PLCE1: variants seen among roughly 807,000 people sequenced by gnomAD.
PLCE1 encodes 1-phosphatidylinositol 4,5-bisphosphate phosphodiesterase epsilon-1.
In PLCE1, 119 loss-of-function variants were observed where a neutral mutation model predicts 242.8. That is an observed-to-expected ratio of 0.49 (90% CI 0.42 to 0.57). The LOEUF (loss-of-function observed/expected upper bound fraction) is 0.57, where lower values mean the gene tolerates loss of function less well. Among genes scored for constraint, PLCE1 ranks in the 20% least tolerant of loss-of-function variants. PLCE1 has a pLI of 0.00. For missense variants in PLCE1, 2,441 were observed against 2,788.8 expected, an observed-to-expected ratio of 0.88 and a Z score of 2.81; for synonymous variants, 945 against 1,017.4, an observed-to-expected ratio of 0.93 and a Z score of 1.35.
At chr10:94,200,808 T>C (rs1306963150) in intron 4 of PLCE1, among the ~76,000 whole-genome samples, 1 of 152,194 alleles carries the variant, frequency 6.6e-6, no homozygotes, top group East Asian at 1.9e-4. Flanking sequence ...GTGATGGGAA[T>C]TGCATTTGAC....
chr10:94,192,573 A>G (rs1012664009), intron 4 of PLCE1, among the ~76,000 whole-genome samples: 3 of 152,130 alleles, frequency 2.0e-5, no homozygotes, highest in Admixed American at 6.6e-5. Flanking sequence ...CGTATATCCA[A>G]TCCACCATTG....
intron 5 of PLCE1, among the ~76,000 whole-genome samples, chr10:94,231,701 G>A (rs9663515): frequency 0.62 from 94,008 of 151,736 alleles, 29,273 homozygotes; most frequent in East Asian, 0.89. Context: ...TGGGGGTGGG[G>A]GCAGATGGTT....
chr10:94,109,478 C>T (rs572242768), intron 2 of PLCE1, among the ~76,000 whole-genome samples: 2 of 152,100 alleles, frequency 1.3e-5, no homozygotes, highest in African/African-American at 2.4e-5. Flanking sequence ...CATGGTGGCA[C>T]GTTCCTATAG....
At chr10:94,130,892 G>C (rs56370424) in intron 2 of PLCE1, among the ~76,000 whole-genome samples, 274 of 152,300 alleles carry the variant, frequency 1.8e-3, no homozygotes, top group Middle Eastern at 3.4e-3. Context: ...CTGGCCCGCA[G>C]GGCAGTGAGA....
chr10:94,191,642 GA>G (rs199850622), intron 4 of PLCE1, among the ~76,000 whole-genome samples: 26 of 149,664 alleles, frequency 1.7e-4, no homozygotes, highest in African/African-American at 6.1e-4. Context: ...CCCTTTCTCA[GA>G]AAAAAAAAGT....
At chr10:94,210,693 C>A (rs1183542634) in intron 4 of PLCE1, among the ~76,000 whole-genome samples, 1 of 152,196 alleles carries the variant, frequency 6.6e-6, no homozygotes, top group Non-Finnish European at 1.5e-5. Context: ...AGCTGGTGAG[C>A]AGCTGCTCCC....
chr10:94,136,229 G>A (rs570473617), intron 3 of PLCE1, among the ~76,000 whole-genome samples: 1 of 152,290 alleles, frequency 6.6e-6, no homozygotes, highest in Non-Finnish European at 1.5e-5. Flanking sequence ...TACCGGGGAT[G>A]AGGAAGGGCA....
intron 2 of PLCE1, among the ~76,000 whole-genome samples, chr10:94,115,683 A>G (rs1008582932): frequency 4.6e-5 from 7 of 152,074 alleles, no homozygotes; most frequent in African/African-American, 1.7e-4. Context: ...AGATGAGTAG[A>G]TTGTAAAAAT....
chr10:94,008,643 G>A (rs1247257527), intron 1 of PLCE1, among the ~76,000 whole-genome samples: 1 of 152,138 alleles, frequency 6.6e-6, no homozygotes, highest in Admixed American at 6.5e-5. Flanking sequence ...TTCCACTATT[G>A]ATAGAATATG....
At chr10:94,101,574 A>C (rs1249585003) in intron 2 of PLCE1, among the ~76,000 whole-genome samples, 1 of 152,196 alleles carries the variant, frequency 6.6e-6, no homozygotes, top group East Asian at 1.9e-4. Flanking sequence ...CTGAGAAGCA[A>C]GTGGGCATTT....
At chr10:94,079,868 C>G (rs905181014) in intron 2 of PLCE1, among the ~76,000 whole-genome samples, 1 of 152,208 alleles carries the variant, frequency 6.6e-6, no homozygotes, top group African/African-American at 2.4e-5. Flanking sequence ...ATGCAAGGAA[C>G]TTTCCTATTC....
chr10:94,135,757 A>G (rs1308867770), intron 3 of PLCE1, among the ~76,000 whole-genome samples: 1 of 152,226 alleles, frequency 6.6e-6, no homozygotes, highest in Non-Finnish European at 1.5e-5. Context: ...GAGTTAGAAG[A>G]CATTTCTTGT....
chr10:94,273,437 C>G (rs185285041), intron 18 of PLCE1, 125 bp from the exon 19 acceptor site: 1 of 955,074 alleles, frequency 1.0e-6, no homozygotes, highest in Admixed American at 2.1e-5. Flanking sequence ...TTCCTAGTTC[C>G]TCTTCCTAAG....
At chr10:94,097,964 A>G (rs190764171) in intron 2 of PLCE1, among the ~76,000 whole-genome samples, 13 of 152,206 alleles carry the variant, frequency 8.5e-5, no homozygotes, top group Admixed American at 7.2e-4. Context: ...GGCGACAGAG[A>G]TGAGATTATG....
At chr10:94,062,605 T>G (rs2044089378) in intron 2 of PLCE1, among the ~76,000 whole-genome samples, 2 of 110,092 alleles carry the variant, frequency 1.8e-5, no homozygotes, top group Non-Finnish European at 3.3e-5. Context: ...TTTTGTTTTG[T>G]TTTTTTTTTT....
chr10:94,187,146 ATGTGTGTGTG>A (rs372501153), intron 4 of PLCE1, among the ~76,000 whole-genome samples: 3 of 145,410 alleles, frequency 2.1e-5, no homozygotes, highest in Non-Finnish European at 4.5e-5. Flanking sequence ...TGAAACATAT[ATGTGTGTGTG>A]TGTGTGTGTG....
chr10:94,298,435 A>G lies in PLCE1; in HGVS notation c.5224A>G (p.Thr1742Ala), dbSNP rs112359735. 9 of 1,614,088 alleles carry G rather than the reference A, an allele frequency of 5.6e-6. No homozygotes were observed. In the African/African-American group the frequency reaches 8.0e-5, roughly 14 times the overall value. Residue 1742 changes from threonine (T) to alanine (A), a missense_variant, in exon 24 of 33, where the codon ACC becomes GCC. Coordinates refer to ENST00000371380, the MANE Select transcript of PLCE1 (RefSeq NM_016341.4). The surrounding 1 kb of genome is among the most constrained non-coding windows in gnomAD (Gnocchi z 5.2). ...GGAATCTTCTTCCCCTCTCAACCCA[A>G]CCACGTCCCTCAGTGCTATCATTAG... ...WEESSSPLNP[T>A]TSLSAIIRTP...
At chr10:94,133,661 T>C (rs2046677437) in intron 3 of PLCE1, among the ~76,000 whole-genome samples, 1 of 152,220 alleles carries the variant, frequency 6.6e-6, no homozygotes, top group Non-Finnish European at 1.5e-5. Flanking sequence ...TTGTGTACTA[T>C]GTTGGGTGCC....
At chr10:94,040,701 T>C (rs1421747131) in intron 2 of PLCE1, among the ~76,000 whole-genome samples, 2 of 152,176 alleles carry the variant, frequency 1.3e-5, no homozygotes, top group Non-Finnish European at 2.9e-5. Flanking sequence ...TAAGAGAGTC[T>C]GTGGTTTAGA....
Sources: allele counts gnomAD v4.1 joint callset (sites outside exome capture counted in the v4.1 genomes callset), GRCh38; gene constraint gnomAD v4.1.1; non-coding constraint Gnocchi (gnomAD v3.1); transcripts MANE v1.5; gene names NCBI Gene and HGNC (gene_info 2026-07-23, HGNC 2026-07-21).